The following SMARCA1 variants were observed in gnomAD, a reference collection of about 807,000 sequenced individuals.
SMARCA1 encodes SWI/SNF-related matrix-associated actin-dependent regulator of chromatin subfamily A member 1.
In SMARCA1, 17 loss-of-function variants were observed where a neutral mutation model predicts 93.6. The observed-to-expected ratio is 0.18, with a 90% CI of 0.12 to 0.27. The LOEUF is 0.27. SMARCA1 is among the 10% of genes least tolerant of loss of function. The probability of loss-of-function intolerance (pLI) is 1.00; values close to 1 mark genes in which losing one functional copy is unlikely to be tolerated. For synonymous variants in SMARCA1, 271 were observed against 271.4 expected (o/e 1.00, Z 0.01); for missense variants, 630 against 819.0 (o/e 0.77, Z 2.82).
At chrX:129,463,951 T>A (rs1932851049) in intron 23 of SMARCA1, among the ~76,000 whole-genome samples, 1 of 111,317 alleles carries the variant, frequency 9.0e-6, no homozygotes. Context: ...AATAAATAAA[T>A]ACCTACATAC....
At chrX:129,489,137 A>C in intron 15 of SMARCA1, 52 bp from the exon 16 acceptor site, 1 of 826,707 alleles carries the variant, frequency 1.2e-6, no homozygotes, top group Non-Finnish European at 1.8e-6. Flanking sequence ...ATTCCAAAGA[A>C]GGCATAATCA....
chrX:129,518,406 C>A lies in SMARCA1; in HGVS notation c.216G>T (p.Ala72=). 1 of 1,196,154 alleles carries A rather than the reference C, an allele frequency of 8.4e-7. No individual in the cohort carries two copies. Among genetic ancestry groups the A allele is most frequent in the Non-Finnish European group, 1.1e-6 (1 of 886,271 alleles). ...SSFQLKLAAK[A]PKSEKEMDPE... ...GGTCCATTTCCTTTTCAGATTTAGG[C>A]GCTTTAGCAGCAAGTTTGAGTTGAA... is the stretch of plus-strand genomic sequence containing the variant. The change falls in exon 2 of 25, where the codon GCG becomes GCT. Residue 72 remains alanine (A), a synonymous_variant. Coordinates refer to ENST00000371121, the MANE Select transcript of SMARCA1 (RefSeq NM_001282874.2).
chrX:129,506,689 C>CAAAA lies in SMARCA1; in HGVS notation c.967-482_967-479dup, dbSNP rs1484081895. Among the ~76,000 whole-genome samples, 78 of 46,437 alleles carry CAAAA rather than the reference C, an allele frequency of 1.7e-3. 1 individual carries two copies. In the East Asian group the frequency reaches 0.021, roughly 13 times the overall value. 40.3% of individuals were successfully genotyped at this position (46,437 alleles called of 115,157 possible). On this transcript the variant is annotated intron_variant, in intron 7 of 24. Transcript: ENST00000371121. ...TGGGCAACGGAGTGAAACTCCGTCT[C>CAAAA]AAAAAAAAAAAAAAAAAAAAAAAAA... is the stretch of plus-strand genomic sequence containing the variant.
At chrX:129,474,475 C>T (rs1933282349) in intron 19 of SMARCA1, among the ~76,000 whole-genome samples, 1 of 111,304 alleles carries the variant, frequency 9.0e-6, no homozygotes, top group African/African-American at 3.3e-5. Context: ...ACTGTTTATT[C>T]CCATGCAGAC....
At chrX:129,483,647 G>T (rs1184620535) in intron 17 of SMARCA1, among the ~76,000 whole-genome samples, 2 of 111,415 alleles carry the variant, frequency 1.8e-5, no homozygotes. Context: ...GATGGTCTAG[G>T]CATTCAAATT....
intron 10 of SMARCA1, 34 bp from the exon 11 acceptor site, chrX:129,498,105 C>T: frequency 1.2e-6 from 1 of 826,278 alleles, no homozygotes; most frequent in Non-Finnish European, 1.8e-6. Context: ...TCATCAATTA[C>T]TAGAAAGTTA....
At position 129,468,831 on chromosome X, in the gene SMARCA1, A is replaced by G. The variant is rs761261240; in HGVS notation, c.2640T>C (p.Ile880=). The change falls in exon 21 of 25, where the codon ATT becomes ATC. Residue 880 remains isoleucine (I), a synonymous_variant. Transcript: ENST00000371121. The part of the protein sequence containing the change: ...KANEKYGRDD[I]DNIAREVEGK... ...CCTCTACCTCTCGAGCTATGTTATC[A>G]ATGTCATCTCTTCCATATTTCTCAT... 2.1e-5 allele frequency: 25 copies of G among 1,178,851 alleles called. No homozygotes were observed. The highest frequency in any genetic ancestry group is 2.9e-5 in the Non-Finnish European group (25 of 867,717).
intron 23 of SMARCA1, among the ~76,000 whole-genome samples, chrX:129,463,216 T>C (rs1030888423): frequency 8.9e-6 from 1 of 111,894 alleles, no homozygotes; most frequent in Non-Finnish European, 1.9e-5. Flanking sequence ...GGCATTTGTC[T>C]TCTACAAGCT....
intron 19 of SMARCA1, among the ~76,000 whole-genome samples, chrX:129,476,086 T>C (rs770421701): frequency 8.9e-6 from 1 of 112,361 alleles, no homozygotes; most frequent in South Asian, 3.7e-4. Flanking sequence ...CCAGATATTC[T>C]GGATTTTTTA....
chrX:129,518,891 G>GA (rs1032017216), intron 1 of SMARCA1, among the ~76,000 whole-genome samples: 24 of 108,764 alleles, frequency 2.2e-4, no homozygotes, highest in South Asian at 7.7e-4. Context: ...CACACTTTCA[G>GA]AAAAAAAAAC....
intron 7 of SMARCA1, among the ~76,000 whole-genome samples, chrX:129,506,476 C>G (rs1934813314): frequency 9.1e-6 from 1 of 109,621 alleles, no homozygotes; most frequent in African/African-American, 3.3e-5. Context: ...CACCTCAGGT[C>G]TGGGGTTTGA....
At chrX:129,472,953 C>T (rs1290627388) in intron 19 of SMARCA1, among the ~76,000 whole-genome samples, 1 of 111,525 alleles carries the variant, frequency 9.0e-6, no homozygotes, top group Non-Finnish European at 1.9e-5. Flanking sequence ...AGCTCACAAA[C>T]TAGTTGTGGA....
At chrX:129,495,075 A>G (rs1385640125) in intron 12 of SMARCA1, among the ~76,000 whole-genome samples, 1 of 111,726 alleles carries the variant, frequency 9.0e-6, no homozygotes, top group Admixed American at 9.5e-5. Context: ...TGTGCACAAA[A>G]AGCAAATTGG....
intron 8 of SMARCA1, among the ~76,000 whole-genome samples, chrX:129,505,106 A>C (rs778580640): frequency 3.6e-5 from 4 of 112,016 alleles, no homozygotes; most frequent in Non-Finnish European, 7.5e-5. Context: ...AAAATCAAAG[A>C]CATAATGCTA....
intron 3 of SMARCA1, 133 bp from the exon 4 acceptor site, chrX:129,516,127 C>A: frequency 1.7e-6 from 1 of 599,303 alleles, no homozygotes. Flanking sequence ...ATCAGTAGAA[C>A]CAGCCTACAT....
chrX:129,475,336 T>A (rs1569432183), intron 19 of SMARCA1, among the ~76,000 whole-genome samples: 1 of 109,258 alleles, frequency 9.2e-6, no homozygotes, highest in Admixed American at 9.9e-5. Flanking sequence ...CTGGCCAACA[T>A]GATGAAACCC....
At chrX:129,473,111 A>G (rs1933214077) in intron 19 of SMARCA1, among the ~76,000 whole-genome samples, 1 of 111,545 alleles carries the variant, frequency 9.0e-6, no homozygotes, top group Admixed American at 9.6e-5. Flanking sequence ...GAGATAAGAA[A>G]CAAGGAAGGG....
intron 5 of SMARCA1, among the ~76,000 whole-genome samples, chrX:129,512,792 T>C (rs1935058416): frequency 8.9e-6 from 1 of 111,760 alleles, no homozygotes; most frequent in African/African-American, 3.3e-5. Context: ...TTATACTCCT[T>C]AACCCAGTAA....
intron 6 of SMARCA1, among the ~76,000 whole-genome samples, chrX:129,510,997 A>G (rs3131267): frequency 0.064 from 7,150 of 111,455 alleles, 264 homozygotes; most frequent in African/African-American, 0.14. Context: ...TCTTTTGAGG[A>G]TATCTTTAGA....
Sources: allele counts gnomAD v4.1 joint callset (sites outside exome capture counted in the v4.1 genomes callset), GRCh38; gene constraint gnomAD v4.1.1; transcripts MANE v1.5; gene names NCBI Gene and HGNC (gene_info 2026-07-23, HGNC 2026-07-21).